Variants in PDE11A observed in about 807,000 individuals in gnomAD.
PDE11A encodes the protein dual 3',5'-cyclic-AMP and -GMP phosphodiesterase 11A.
A neutral mutation model predicts 100.5 loss-of-function variants in PDE11A; 100 were observed. The observed-to-expected ratio is 1.00, with a 90% confidence interval of 0.85 to 1.18. The LOEUF is 1.18. PDE11A is among the 50% of genes most tolerant of loss of function. PDE11A has a pLI of 0.00. For missense variants in PDE11A, 1,141 were observed against 1,152.6 expected, an observed-to-expected ratio of 0.99 and a Z score of 0.15; for synonymous variants, 381 against 420.8, an observed-to-expected ratio of 0.91 and a Z score of 1.16.
intron 5 of PDE11A, among the ~76,000 whole-genome samples, chr2:177,845,475 C>T (rs1170457523): frequency 6.6e-5 from 10 of 151,526 alleles, no homozygotes; most frequent in African/African-American, 9.7e-5. Context: ...GATGTGATGG[C>T]GGCCGGGAAG....
intron 9 of PDE11A, among the ~76,000 whole-genome samples, chr2:177,779,993 A>G (rs1449925018): frequency 6.6e-6 from 1 of 152,206 alleles, no homozygotes; most frequent in Non-Finnish European, 1.5e-5. Context: ...CTCTTGATCT[A>G]TGGGCTGCAG....
At chr2:177,781,346 CAG>C (rs1362360471) in intron 9 of PDE11A, among the ~76,000 whole-genome samples, 17 of 152,138 alleles carry the variant, frequency 1.1e-4, no homozygotes, top group Admixed American at 1.3e-4. Flanking sequence ...ATAATTGTAA[CAG>C]ATATAATAAG....
At chr2:177,660,047 CTT>C (rs1491244607) in intron 19 of PDE11A, among the ~76,000 whole-genome samples, 6 of 8,574 alleles carry the variant, frequency 7.0e-4, no homozygotes, top group East Asian at 0.091. Context: ...TTCTTTCTTT[CTT>C]TCTTTCTTTC....
intron 2 of PDE11A, among the ~76,000 whole-genome samples, chr2:177,957,910 C>CTTTTTTTTTTTTTTTTTATT (rs748839068): frequency 8.7e-6 from 1 of 114,468 alleles, no homozygotes; most frequent in Non-Finnish European, 1.7e-5. Flanking sequence ...TTTCCAATGC[C>CTTTTTTTTTTTTTTTTTATT]TTTTTTTTGA....
At chr2:177,951,159 G>C (rs2085500814) in intron 2 of PDE11A, among the ~76,000 whole-genome samples, 1 of 152,146 alleles carries the variant, frequency 6.6e-6, no homozygotes, top group African/African-American at 2.4e-5. Flanking sequence ...AGTATGAACA[G>C]AAATAAAATG....
rs761882685 is a variant in PDE11A at position 178,072,129 on chromosome 2, G to A, written c.309C>T (p.Ala103=). The change falls in exon 1 of 20, where the codon GCC becomes GCT. Residue 103 remains alanine, a synonymous_variant. Coordinates refer to ENST00000286063, the MANE Select transcript of PDE11A (RefSeq NM_016953.4). ...GGTTCCCATCGCCCCTGCTGCCACCGGCCCAGCTGGGACTCAAGGGAACCC... is the reference window on the plus strand; with the variant it reads ...GGTTCCCATCGCCCCTGCTGCCACCAGCCCAGCTGGGACTCAAGGGAACCC... The part of the protein sequence containing the change: ...CGGVPLSPSW[A]GGSRGDGNLQ... The A allele has an allele frequency of 4.3e-6, 7 of 1,613,790 alleles. No homozygotes were observed. Among genetic ancestry groups the A allele is most frequent in the South Asian group, 3.3e-5 (3 of 91,062 alleles).
intron 12 of PDE11A, among the ~76,000 whole-genome samples, chr2:177,715,864 T>G (rs2081429934): frequency 6.6e-6 from 1 of 152,234 alleles, no homozygotes; most frequent in African/African-American, 2.4e-5. Context: ...CTTTTCATTC[T>G]TAAGAGTAAA....
At chr2:177,801,501 A>C (rs2082795468) in intron 9 of PDE11A, among the ~76,000 whole-genome samples, 1 of 152,176 alleles carries the variant, frequency 6.6e-6, no homozygotes, top group South Asian at 2.1e-4. Flanking sequence ...CTCAAATTAT[A>C]ATAGCAGAAT....
intron 4 of PDE11A, among the ~76,000 whole-genome samples, chr2:177,886,274 AAT>A (rs2084427915): frequency 6.6e-6 from 1 of 152,204 alleles, no homozygotes; most frequent in Admixed American, 6.5e-5. Context: ...TCTAATGGAA[AAT>A]GCCATTGACA....
At chr2:177,676,537 C>G (rs541468256) in intron 16 of PDE11A, among the ~76,000 whole-genome samples, 50 of 151,802 alleles carry the variant, frequency 3.3e-4, no homozygotes, top group Admixed American at 6.6e-4. Context: ...CAGGGGGGTC[C>G]CCCCACAGGA....
chr2:177,849,494 G>C (rs1209354677), intron 5 of PDE11A, among the ~76,000 whole-genome samples: 3 of 152,162 alleles, frequency 2.0e-5, no homozygotes, highest in African/African-American at 4.8e-5. Flanking sequence ...AAAGTCTCAG[G>C]ATACAAAATC....
At chr2:177,769,960 T>C (rs1394702008) in intron 9 of PDE11A, among the ~76,000 whole-genome samples, 1 of 150,888 alleles carries the variant, frequency 6.6e-6, no homozygotes, top group Non-Finnish European at 1.5e-5. Flanking sequence ...ATACTTGTCC[T>C]GTGAAATGCT....
chr2:177,917,903 A>G lies in PDE11A; in HGVS notation c.1072-12716T>C, dbSNP rs550427560. 2.0e-4 allele frequency among the ~76,000 whole-genome samples: 30 copies of G among 152,354 alleles called. 1 individual carries two copies. Among genetic ancestry groups the G allele is most frequent in the African/African-American group, 6.7e-4 (28 of 41,588 alleles). On this transcript the variant is annotated intron_variant, in intron 2 of 19. Coordinates refer to ENST00000286063, the MANE Select transcript of PDE11A (RefSeq NM_016953.4). ...TATTCTCCAGTGGAGTTTAAAACAGAGAAGGCTATGAAAATATGCTTAGAG... is the reference window on the plus strand; with the variant it reads ...TATTCTCCAGTGGAGTTTAAAACAGGGAAGGCTATGAAAATATGCTTAGAG...
intron 19 of PDE11A, among the ~76,000 whole-genome samples, chr2:177,662,962 T>G (rs1294084458): frequency 6.6e-6 from 1 of 152,178 alleles, no homozygotes; most frequent in Non-Finnish European, 1.5e-5. Context: ...GCGTTTTTAA[T>G]GGGGTTACAT....
chr2:178,080,476 G>C (rs1290903790), intron 2 of PDE11A, among the ~76,000 whole-genome samples: 1 of 152,100 alleles, frequency 6.6e-6, no homozygotes, highest in Non-Finnish European at 1.5e-5. Flanking sequence ...TCTTATTTCT[G>C]AGTTCTCTAT....
intron 3 of PDE11A, among the ~76,000 whole-genome samples, chr2:177,900,710 A>G (rs2084681754): frequency 1.3e-5 from 2 of 152,148 alleles, no homozygotes; most frequent in South Asian, 4.1e-4. Flanking sequence ...GTGAGCTGAG[A>G]TCACGCCACT....
At position 177,766,915 on chromosome 2, in the gene PDE11A, T is replaced by C. The variant is rs149776478; in HGVS notation, c.1788+2408A>G. Among the ~76,000 whole-genome samples the C allele has an allele frequency of 7.2e-3, 1,090 of 152,310 alleles. 10 individuals are homozygous for C. The highest frequency in any genetic ancestry group is 0.012 in the Non-Finnish European group (787 of 68,026). ...ATTTTAAGATAAAATAACCCTTTGT[T>C]CTCAAATTTAAAAACTTCATATTTT... On this transcript the variant is annotated intron_variant, in intron 10 of 19. Coordinates refer to ENST00000286063, the MANE Select transcript of PDE11A (RefSeq NM_016953.4).
At chr2:177,759,002 G>A (rs555092815) in intron 10 of PDE11A, among the ~76,000 whole-genome samples, 71 of 152,288 alleles carry the variant, frequency 4.7e-4, no homozygotes, top group Non-Finnish European at 8.5e-4. Context: ...AAATCCTTAC[G>A]TGGAGCAAGG....
chr2:178,052,523 C>G (rs995744387), intron 1 of PDE11A, among the ~76,000 whole-genome samples: 1 of 152,046 alleles, frequency 6.6e-6, no homozygotes, highest in Non-Finnish European at 1.5e-5. Context: ...CAGAGCAGAA[C>G]TGAAGGAGAT....
Sources: allele counts gnomAD v4.1 joint callset (sites outside exome capture counted in the v4.1 genomes callset), GRCh38; gene constraint gnomAD v4.1.1; transcripts MANE v1.5; gene names NCBI Gene and HGNC (gene_info 2026-07-23, HGNC 2026-07-21).